Variants in NR2C2 observed in about 807,000 individuals in gnomAD.
NR2C2 encodes the protein Nuclear hormone receptor TR4.
NR2C2 carries 6 observed loss-of-function variants against 62.9 expected under a neutral mutation model. The ratio of observed to expected loss-of-function variants is 0.10; its 90% confidence interval spans 0.05 to 0.19. The LOEUF is 0.19. Among genes scored for constraint, NR2C2 ranks in the 10% least tolerant of loss-of-function variants. NR2C2 has a pLI of 1.00. For missense variants in NR2C2, 479 were observed against 762.7 expected, an observed-to-expected ratio of 0.63 and a Z score of 4.38; for synonymous variants, 272 against 273.8, an observed-to-expected ratio of 0.99 and a Z score of 0.07.
chr3:14,984,485 A>C (rs2040460710), intron 1 of NR2C2, among the ~76,000 whole-genome samples: 1 of 152,190 alleles, frequency 6.6e-6, no homozygotes, highest in Non-Finnish European at 1.5e-5. Flanking sequence ...ATCTATCCCT[A>C]GGCAACCACT....
intron 4 of NR2C2, among the ~76,000 whole-genome samples, chr3:15,018,442 C>CA (rs2041574743): frequency 6.6e-6 from 1 of 152,164 alleles, no homozygotes; most frequent in Non-Finnish European, 1.5e-5. Context: ...TTAAAATGGG[C>CA]AAAATACCTT....
intron 1 of NR2C2, among the ~76,000 whole-genome samples, chr3:14,987,406 A>G (rs1169199011): frequency 6.6e-6 from 1 of 152,222 alleles, no homozygotes; most frequent in African/African-American, 2.4e-5. Context: ...AAAAGTGAAG[A>G]AAAATATGAA....
intron 1 of NR2C2, among the ~76,000 whole-genome samples, chr3:14,968,018 C>G (rs1025140875): frequency 6.6e-6 from 1 of 152,166 alleles, no homozygotes. Flanking sequence ...AATGTTAGAC[C>G]TAAAACCATA....
At chr3:14,984,417 T>C (rs1028415454) in intron 1 of NR2C2, among the ~76,000 whole-genome samples, 1 of 152,208 alleles carries the variant, frequency 6.6e-6, no homozygotes, top group Non-Finnish European at 1.5e-5. Context: ...TCAGCCTTTC[T>C]TCTTTTCTAA....
At chr3:14,979,910 T>C (rs749516559) in intron 1 of NR2C2, among the ~76,000 whole-genome samples, 7 of 151,914 alleles carry the variant, frequency 4.6e-5, no homozygotes, top group South Asian at 2.1e-4. Context: ...TCTTTGGGGG[T>C]TGAATCACAA....
intron 1 of NR2C2, among the ~76,000 whole-genome samples, chr3:14,965,312 T>A (rs1574934731): frequency 6.6e-6 from 1 of 152,208 alleles, no homozygotes; most frequent in African/African-American, 2.4e-5. Flanking sequence ...ATTGCTGCCC[T>A]AAGAGGCCAT....
chr3:14,997,930 C>T (rs1252302727), intron 1 of NR2C2, among the ~76,000 whole-genome samples: 1 of 152,166 alleles, frequency 6.6e-6, no homozygotes, highest in South Asian at 2.1e-4. Context: ...AAACCCACAT[C>T]TCTTAGCAAT....
intron 1 of NR2C2, among the ~76,000 whole-genome samples, chr3:14,980,650 A>G (rs1296445358): frequency 6.6e-6 from 1 of 152,252 alleles, no homozygotes; most frequent in African/African-American, 2.4e-5. Flanking sequence ...TTAAATACCT[A>G]GTTAACAAAA....
intron 1 of NR2C2, among the ~76,000 whole-genome samples, chr3:14,994,182 G>A (rs979902422): frequency 3.3e-5 from 5 of 151,980 alleles, no homozygotes; most frequent in Admixed American, 1.3e-4. Context: ...ACTCATCTGC[G>A]TACTGATTTT....
At chr3:15,037,885 T>G in intron 11 of NR2C2, 115 bp from the exon 12 acceptor site, 1 of 1,141,324 alleles carries the variant, frequency 8.8e-7, no homozygotes, top group Non-Finnish European at 1.2e-6. Context: ...TTGAGATTAC[T>G]GATTTTTCAT....
At chr3:15,031,189 G>A (rs1394084480) in intron 9 of NR2C2, among the ~76,000 whole-genome samples, 1 of 152,116 alleles carries the variant, frequency 6.6e-6, no homozygotes, top group African/African-American at 2.4e-5. Flanking sequence ...CATTGATCCT[G>A]ACTGCTCTGC....
rs1276854291 is a variant in NR2C2, at chr3:14,947,713, GC to G, written c.-230del. ...TCCGCGACCCCGGCGGCGCCCCCGG[GC>G]CCGTCCCCGCCACCCCGCTCCCACC... On this transcript the variant is annotated 5_prime_UTR_variant, in exon 1 of 14. Transcript: ENST00000425241. The G allele has an allele frequency of 6.8e-6, 1 of 147,980 alleles. No homozygotes were observed. The highest frequency in any genetic ancestry group is 2.5e-5 in the African/African-American group (1 of 40,238). 9.2% of individuals were successfully genotyped at this position (147,980 alleles called of 1,614,324 possible). A position where few individuals can be genotyped will look rare whatever the true frequency, so the allele number is the denominator to read the frequency against.
Position 15,013,691 on chromosome 3 carries a change from G to A in NR2C2, c.175G>A (p.Ala59Thr). The A allele has an allele frequency of 1.9e-6, 3 of 1,614,250 alleles. No homozygotes were observed. Among genetic ancestry groups the A allele is most frequent in the Non-Finnish European group, 1.7e-6 (2 of 1,180,042 alleles). The change falls in exon 3 of 14, where the codon GCT becomes ACT. Residue 59 changes from alanine (A) to threonine (T), a missense_variant. Physicochemically the swap from Ala to Thr is moderately conservative, Grantham distance 58 (BLOSUM62 0). Around this residue, in one of 4 missense-constraint regions of NR2C2, gnomAD observed 115 missense variants for 152.3 expected, o/e 0.76. Coordinates refer to ENST00000425241, the MANE Select transcript of NR2C2 (RefSeq NM_001291694.2). Reference protein sequence around the residue: ...QQFILTSPDGAGTGKVILASP... With the variant: ...QQFILTSPDGTGTGKVILASP... ...GTTCATCCTGACCAGCCCAGATGGA[G>A]CTGGAACTGGGAAGGTGATCCTGGC... is the stretch of plus-strand genomic sequence containing the variant.
intron 1 of NR2C2, among the ~76,000 whole-genome samples, chr3:14,968,401 T>C (rs1263734635): frequency 6.0e-5 from 9 of 150,276 alleles, no homozygotes; most frequent in Non-Finnish European, 8.9e-5. Flanking sequence ...CCATCACTGG[T>C]CATCAGAGAA....
chr3:15,012,398 G>T (rs1004067095), intron 2 of NR2C2, among the ~76,000 whole-genome samples: 2 of 152,042 alleles, frequency 1.3e-5, no homozygotes, highest in Admixed American at 6.5e-5. Flanking sequence ...GCTAATTTTT[G>T]TATTTTTAGT....
At chr3:15,001,318 G>GTTTTTTTTTTTTTTTTTTTTTTTGT (rs61017075) in intron 1 of NR2C2, among the ~76,000 whole-genome samples, 1 of 97,484 alleles carries the variant, frequency 1.0e-5, no homozygotes, top group Non-Finnish European at 2.1e-5. Flanking sequence ...TTTGTTTTGG[G>GTTTTTTTTTTTTTTTTTTTTTTTGT]TTTTTTTTTT....
intron 10 of NR2C2, among the ~76,000 whole-genome samples, chr3:15,033,839 G>A (rs2042040859): frequency 6.6e-6 from 1 of 152,086 alleles, no homozygotes; most frequent in Non-Finnish European, 1.5e-5. Flanking sequence ...CACATTTAAA[G>A]TGGTTTCATT....
rs1304627266 is a variant in NR2C2, at chr3:15,008,220, GT to G, written c.72+4245del. On this transcript the variant is annotated intron_variant, in intron 2 of 13. Coordinates refer to ENST00000425241, the MANE Select transcript of NR2C2 (RefSeq NM_001291694.2). Reference sequence around the variant, plus strand: ...TAGCAAACAGTTTTTTTGTTTGTTTGTTTTTTTTTTTAAATTAGGGGGCTGA... The same window carrying G: ...TAGCAAACAGTTTTTTTGTTTGTTTGTTTTTTTTTTAAATTAGGGGGCTGA... Among the ~76,000 whole-genome samples, 58 of 117,288 alleles carry G rather than the reference GT, an allele frequency of 4.9e-4. 1 individual carries two copies. Among genetic ancestry groups the G allele is most frequent in the African/African-American group, 9.0e-4 (29 of 32,306 alleles). The allele number at this position is 117,288 out of a possible 152,430, so 76.9% of individuals were successfully genotyped here. A position where few individuals can be genotyped will look rare whatever the true frequency, so the allele number is the denominator to read the frequency against.
At chr3:14,978,133 C>A (rs1574953078) in intron 1 of NR2C2, among the ~76,000 whole-genome samples, 2 of 152,166 alleles carry the variant, frequency 1.3e-5, no homozygotes, top group African/African-American at 2.4e-5. Context: ...GTGTAAGCCT[C>A]ATCAGCTAGC....
Sources: gnomAD v4.1 joint callset for allele counts (sites outside exome capture counted in the v4.1 genomes callset) on GRCh38, gnomAD v4.1.1 for gene constraint, gnomAD v4.1.1 regional missense constraint, MANE v1.5 for transcripts, NCBI Gene and HGNC (gene_info 2026-07-23, HGNC 2026-07-21) for gene names.